Variants in ADAMTSL1 observed in about 807,000 individuals in gnomAD.
ADAMTSL1 encodes ADAMTS like 1.
A neutral mutation model predicts 201.8 loss-of-function variants in ADAMTSL1; 126 were observed. The ratio of observed to expected loss-of-function variants is 0.62; its 90% confidence interval spans 0.54 to 0.72. The LOEUF (loss-of-function observed/expected upper bound fraction) is 0.72. Among genes scored for constraint, ADAMTSL1 ranks in the 30% least tolerant of loss-of-function variants. The pLI, the probability that ADAMTSL1 is intolerant of heterozygous loss-of-function variation, is 0.00. For synonymous variants in ADAMTSL1, 1,121 were observed against 903.4 expected, an observed-to-expected ratio of 1.24 and a Z score of -4.32; for missense variants, 2,679 against 2,277.8, an observed-to-expected ratio of 1.18 and a Z score of -3.59.
intron 2 of ADAMTSL1, among the ~76,000 whole-genome samples, chr9:18,177,837 A>G (rs1431740737): frequency 6.6e-6 from 1 of 152,182 alleles, no homozygotes; most frequent in East Asian, 1.9e-4. Context: ...CTTAAGGAAG[A>G]AGGGAGAATG....
intron 2 of ADAMTSL1, among the ~76,000 whole-genome samples, chr9:18,235,752 T>G (rs922954467): frequency 6.6e-6 from 1 of 152,094 alleles, no homozygotes; most frequent in Non-Finnish European, 1.5e-5. Flanking sequence ...TGCTGACCCC[T>G]CCCTTTGCCT....
At chr9:18,876,790 C>G (rs1828190551) in intron 23 of ADAMTSL1, among the ~76,000 whole-genome samples, 1 of 152,168 alleles carries the variant, frequency 6.6e-6, no homozygotes, top group Admixed American at 6.5e-5. Flanking sequence ...ATTTGGATGT[C>G]TAGATGTCTA....
chr9:18,866,666 G>A (rs1457205960), intron 23 of ADAMTSL1, among the ~76,000 whole-genome samples: 2 of 152,182 alleles, frequency 1.3e-5, no homozygotes, highest in African/African-American at 4.8e-5. Flanking sequence ...GAGGGACATT[G>A]CCTCAGGAAT....
In ADAMTSL1 at chr9:18,879,319, A is replaced by C. The variant is rs746608668; in HGVS notation, c.4250-8512A>C. On this transcript the variant is annotated intron_variant, in intron 23 of 28. Coordinates refer to ENST00000380548, the MANE Select transcript of ADAMTSL1 (RefSeq NM_001040272.6). ...AACTGAGACCAGAGAACCCTACTGA[A>C]ACCTAGAGTTCTCCTTCAGAGTCAT... Among the ~76,000 whole-genome samples, 91 of 152,230 alleles carry C rather than the reference A, an allele frequency of 6.0e-4. 1 individual carries two copies. Among genetic ancestry groups the C allele is most frequent in the Admixed American group, 1.8e-3 (28 of 15,284 alleles).
intron 2 of ADAMTSL1, among the ~76,000 whole-genome samples, chr9:18,407,978 A>T (rs1313934207): frequency 1.3e-5 from 2 of 152,216 alleles, no homozygotes; most frequent in Admixed American, 6.5e-5. Context: ...ACATTTTTTT[A>T]AAATTTACAT....
At chr9:18,710,950 T>A (rs974650504) in intron 14 of ADAMTSL1, among the ~76,000 whole-genome samples, 2 of 152,020 alleles carry the variant, frequency 1.3e-5, no homozygotes, top group Non-Finnish European at 2.9e-5. Flanking sequence ...CGTCCACCAT[T>A]TAAAATCTCA....
chr9:17,984,872 C>G (rs1468101305), intron 1 of ADAMTSL1, among the ~76,000 whole-genome samples: 3 of 152,094 alleles, frequency 2.0e-5, no homozygotes, highest in Non-Finnish European at 1.5e-5. Flanking sequence ...CTAATCATAA[C>G]CCCCTCTACC....
chr9:18,253,811 A>G (rs1281680093), intron 2 of ADAMTSL1, among the ~76,000 whole-genome samples: 7 of 152,184 alleles, frequency 4.6e-5, no homozygotes, highest in Non-Finnish European at 8.8e-5. Context: ...CAATTCCACT[A>G]GAATCTTAGC....
intron 1 of ADAMTSL1, among the ~76,000 whole-genome samples, chr9:17,972,060 A>G (rs939432289): frequency 2.6e-5 from 4 of 151,870 alleles, no homozygotes; most frequent in Non-Finnish European, 5.9e-5. Flanking sequence ...GATTACCACT[A>G]TACACTAATT....
intron 15 of ADAMTSL1, among the ~76,000 whole-genome samples, chr9:18,736,609 A>G (rs972919904): frequency 3.3e-5 from 5 of 152,216 alleles, no homozygotes; most frequent in African/African-American, 1.2e-4. Flanking sequence ...GTAGCTCTGC[A>G]TGACAAGGTT....
intron 10 of ADAMTSL1, among the ~76,000 whole-genome samples, chr9:18,677,023 A>G (rs1031480808): frequency 2.0e-5 from 3 of 152,082 alleles, no homozygotes; most frequent in African/African-American, 7.2e-5. Context: ...TTCAATGCAT[A>G]TGTATTCACA....
chr9:18,357,310 T>C (rs1314723159), intron 2 of ADAMTSL1, among the ~76,000 whole-genome samples: 1 of 152,124 alleles, frequency 6.6e-6, no homozygotes, highest in Non-Finnish European at 1.5e-5. Context: ...ACATTTTGAT[T>C]AGGAGCTTTA....
intron 1 of ADAMTSL1, among the ~76,000 whole-genome samples, chr9:17,932,998 C>T (rs78411640): frequency 1.4e-3 from 219 of 152,278 alleles, no homozygotes; most frequent in Non-Finnish European, 2.4e-3. Context: ...ATCATGGTTA[C>T]AAAGTGCCCA....
At chr9:18,228,344 G>C (rs868703031) in intron 2 of ADAMTSL1, among the ~76,000 whole-genome samples, 1 of 152,172 alleles carries the variant, frequency 6.6e-6, no homozygotes, top group South Asian at 2.1e-4. Context: ...GGTGGGGCTA[G>C]AGTCATTTTG....
intron 3 of ADAMTSL1, among the ~76,000 whole-genome samples, chr9:18,564,365 G>C (rs1289885674): frequency 6.6e-6 from 1 of 152,138 alleles, no homozygotes; most frequent in Non-Finnish European, 1.5e-5. Context: ...GTCCCAGTGA[G>C]ATGACCGGGG....
chr9:18,176,273 C>G (rs1343536575), intron 2 of ADAMTSL1, among the ~76,000 whole-genome samples: 2 of 151,830 alleles, frequency 1.3e-5, no homozygotes, highest in African/African-American at 4.8e-5. Flanking sequence ...TTTTTCCAGC[C>G]CATGGAACAG....
intron 2 of ADAMTSL1, among the ~76,000 whole-genome samples, chr9:18,442,233 A>C (rs1820024710): frequency 6.6e-6 from 1 of 152,264 alleles, no homozygotes; most frequent in Non-Finnish European, 1.5e-5. Flanking sequence ...AAAGTAACTT[A>C]GGATGTGTGA....
chr9:18,636,864 T>C (rs1827140241), intron 6 of ADAMTSL1, among the ~76,000 whole-genome samples: 1 of 151,464 alleles, frequency 6.6e-6, no homozygotes, highest in African/African-American at 2.4e-5. Context: ...TCCACTGTGA[T>C]TGTTCCTGGG....
At chr9:18,188,620 G>A (rs191080253) in intron 2 of ADAMTSL1, among the ~76,000 whole-genome samples, 2 of 152,270 alleles carry the variant, frequency 1.3e-5, no homozygotes, top group East Asian at 3.9e-4. Context: ...TGCGCCATTA[G>A]GTGGTGAGTT....
Sources: allele counts gnomAD v4.1 joint callset (sites outside exome capture counted in the v4.1 genomes callset), GRCh38; gene constraint gnomAD v4.1.1; transcripts MANE v1.5; gene names NCBI Gene and HGNC (gene_info 2026-07-23, HGNC 2026-07-21).